PDE3B: variants seen among roughly 807,000 people sequenced by gnomAD.
PDE3B encodes cGMP-inhibited 3',5'-cyclic phosphodiesterase 3B.
PDE3B carries 66 observed loss-of-function variants against 116.8 expected under a neutral mutation model. That is an observed-to-expected ratio of 0.56 (90% CI 0.46 to 0.69). PDE3B has a LOEUF of 0.69. PDE3B is among the 30% of genes least tolerant of loss of function. The pLI is 0.00. For missense variants in PDE3B, 1,384 were observed against 1,368.1 expected, an observed-to-expected ratio of 1.01 and a Z score of -0.18; for synonymous variants, 595 against 533.6, an observed-to-expected ratio of 1.12 and a Z score of -1.59.
At chr11:14,661,310 G>A (rs1024065593) in intron 1 of PDE3B, among the ~76,000 whole-genome samples, 5 of 152,092 alleles carry the variant, frequency 3.3e-5, no homozygotes, top group South Asian at 2.1e-4. Flanking sequence ...AAAATGTGGC[G>A]GTTAAGAGGA....
chr11:14,667,265 C>G (rs1444082467), intron 1 of PDE3B, among the ~76,000 whole-genome samples: 8 of 144,234 alleles, frequency 5.5e-5, no homozygotes, highest in Middle Eastern at 3.9e-3. Flanking sequence ...AGGGGAACAT[C>G]ACACTCTGGG....
chr11:14,779,427 G>T (rs1857898918), intron 2 of PDE3B, among the ~76,000 whole-genome samples: 1 of 152,152 alleles, frequency 6.6e-6, no homozygotes, highest in Non-Finnish European at 1.5e-5. Flanking sequence ...AGAAAGGTCG[G>T]GTTACCCACA....
intron 12 of PDE3B, among the ~76,000 whole-genome samples, chr11:14,855,873 T>A (rs1484582609): frequency 2.6e-5 from 4 of 152,200 alleles, no homozygotes; most frequent in African/African-American, 9.6e-5. Context: ...ATGCAGTGAT[T>A]TTAAACAGTC....
At chr11:14,680,238 T>G (rs1854659925) in intron 1 of PDE3B, among the ~76,000 whole-genome samples, 1 of 152,172 alleles carries the variant, frequency 6.6e-6, no homozygotes, top group Non-Finnish European at 1.5e-5. Flanking sequence ...ATCTCACAGT[T>G]GCAATACTGT....
chr11:14,722,541 G>A (rs765938089), intron 1 of PDE3B, among the ~76,000 whole-genome samples: 5 of 152,152 alleles, frequency 3.3e-5, no homozygotes, highest in Middle Eastern at 3.2e-3. Flanking sequence ...GGACGGCATC[G>A]TTTAATAGCA....
intron 1 of PDE3B, among the ~76,000 whole-genome samples, chr11:14,765,286 C>T (rs1056031177): frequency 2.0e-5 from 3 of 151,894 alleles, no homozygotes; most frequent in Non-Finnish European, 4.4e-5. Context: ...AGGGCACATA[C>T]ATGTTTTTCT....
intron 12 of PDE3B, among the ~76,000 whole-genome samples, chr11:14,844,993 C>T (rs1450168447): frequency 6.6e-6 from 1 of 152,168 alleles, no homozygotes; most frequent in African/African-American, 2.4e-5. Context: ...AGTGGTTCTC[C>T]CAGCACGCAG....
the PDE3B span, chr11:14,887,822 G>A: frequency 9.3e-4 from 145 of 156,212 alleles, no homozygotes; most frequent in Non-Finnish European, 1.6e-3. Context: ...CAGTTATGCT[G>A]TTTCTACCTT....
chr11:14,792,573 G>A (rs926702929), intron 4 of PDE3B, among the ~76,000 whole-genome samples: 2 of 152,116 alleles, frequency 1.3e-5, no homozygotes, highest in Non-Finnish European at 2.9e-5. Flanking sequence ...GTCCCCCATT[G>A]AACAGCGACC....
At chr11:14,831,548 T>G in intron 8 of PDE3B, 92 bp from the exon 9 acceptor site, 1 of 715,576 alleles carries the variant, frequency 1.4e-6, no homozygotes, top group Non-Finnish European at 2.1e-6. Context: ...CTGACTTTTT[T>G]AAATGTTTAA....
Position 14,819,219 on chromosome 11 carries a change from C to T in PDE3B, c.1807+10C>T. 1 of 1,541,828 alleles carries T rather than the reference C, an allele frequency of 6.5e-7. No homozygotes were observed. The highest frequency in any genetic ancestry group is 1.7e-5 in the Admixed American group (1 of 59,398). On this transcript the variant is annotated intron_variant, in intron 7 of 15. Transcript: ENST00000282096. ...TGCAGTGGAAAATCAGGTGAGATTA[C>T]AAAAGTCATATGTATTTGAGTTTAA...
rs913659954 is a variant in PDE3B at position 14,707,998 on chromosome 11, CCTT to C, written c.978+62952_978+62954del. On this transcript the variant is annotated intron_variant, in intron 1 of 15. Transcript: ENST00000282096. ...GGTAAGACTAGGTTATTTTATTTAG[CCTT>C]CTTCTTGGTTGCAATGGTTTGGATG... 2.0e-5 allele frequency among the ~76,000 whole-genome samples: 3 copies of C among 151,948 alleles called. No homozygotes were observed. The East Asian group carries it at 5.8e-4, about 29-fold the overall frequency.
intron 4 of PDE3B, among the ~76,000 whole-genome samples, chr11:14,792,931 G>A (rs972953625): frequency 6.6e-6 from 1 of 152,004 alleles, no homozygotes; most frequent in South Asian, 2.1e-4. Context: ...ATTCTCTTAC[G>A]GCGCTTTTCA....
intron 7 of PDE3B, among the ~76,000 whole-genome samples, chr11:14,820,740 C>G (rs1431853701): frequency 6.6e-6 from 1 of 152,082 alleles, no homozygotes; most frequent in Non-Finnish European, 1.5e-5. Flanking sequence ...AGAAAACTCT[C>G]TTTCCCACCC....
chr11:14,744,974 A>G lies in PDE3B; in HGVS notation c.979-26963A>G, dbSNP rs975810383. ...TTTTGTTAATTTATAAGCTCTGTGA[A>G]AATAGCTTTTTTGTTTTTTTGTTTT... On this transcript the variant is annotated intron_variant, in intron 1 of 15. Coordinates refer to ENST00000282096, the MANE Select transcript of PDE3B (RefSeq NM_000922.4). Among the ~76,000 whole-genome samples the G allele has an allele frequency of 2.0e-5, 3 of 152,236 alleles. No homozygotes were observed. The East Asian group carries it at 5.8e-4, about 29-fold the overall frequency.
intron 1 of PDE3B, among the ~76,000 whole-genome samples, chr11:14,751,715 G>A (rs755494655): frequency 5.3e-5 from 8 of 152,164 alleles, no homozygotes; most frequent in Non-Finnish European, 1.0e-4. Flanking sequence ...AGTTTTGACA[G>A]CAGAAACTAG....
chr11:14,822,099 C>T (rs1016049250), intron 7 of PDE3B, among the ~76,000 whole-genome samples: 1 of 151,976 alleles, frequency 6.6e-6, no homozygotes, highest in Non-Finnish European at 1.5e-5. Flanking sequence ...GATGAGAACT[C>T]GCTCTGTTGC....
chr11:14,825,450 AC>A (rs1456181977), intron 7 of PDE3B, among the ~76,000 whole-genome samples: 4 of 152,202 alleles, frequency 2.6e-5, no homozygotes, highest in African/African-American at 9.6e-5. Flanking sequence ...AGGAAAATCT[AC>A]CAAGCAAGTG....
At chr11:14,838,109 G>C (rs1298139113) in intron 11 of PDE3B, among the ~76,000 whole-genome samples, 1 of 152,016 alleles carries the variant, frequency 6.6e-6, no homozygotes, top group Non-Finnish European at 1.5e-5. Flanking sequence ...CTCCCGAGTA[G>C]CTGGGACCAC....
Sources: allele counts gnomAD v4.1 joint callset (sites outside exome capture counted in the v4.1 genomes callset), GRCh38; gene constraint gnomAD v4.1.1; transcripts MANE v1.5; gene names NCBI Gene and HGNC (gene_info 2026-07-23, HGNC 2026-07-21).